The following BRINP3 variants were observed in gnomAD, a reference collection of about 807,000 sequenced individuals.
BRINP3 encodes BMP/retinoic acid inducible neural specific 3.
BRINP3 carries 19 observed loss-of-function variants against 71.0 expected under a neutral mutation model. That is an observed-to-expected ratio of 0.27 (90% CI 0.19 to 0.39). The LOEUF (loss-of-function observed/expected upper bound fraction) is 0.39. Among genes scored for constraint, BRINP3 ranks in the 10% least tolerant of loss-of-function variants. The pLI is 1.00. For synonymous variants in BRINP3, 380 were observed against 337.7 expected (o/e 1.13, Z -1.37); for missense variants, 959 against 940.8 (o/e 1.02, Z -0.25).
At chr1:190,477,292 A>T (rs1403213884) in intron 1 of BRINP3, 156 bp downstream of exon 1, 3 of 152,340 alleles carry the variant, frequency 2.0e-5, no homozygotes, top group East Asian at 3.9e-4. Flanking sequence ...TTAGCAGTGC[A>T]GTTGCCACTA....
intron 7 of BRINP3, among the ~76,000 whole-genome samples, chr1:190,155,153 AT>A (rs1231210017): frequency 6.6e-6 from 1 of 152,134 alleles, no homozygotes; most frequent in African/African-American, 2.4e-5. Context: ...GAAAGAGCAT[AT>A]ATAGGAGTGC....
At chr1:190,295,960 T>G (rs1338289412) in intron 2 of BRINP3, among the ~76,000 whole-genome samples, 2 of 152,102 alleles carry the variant, frequency 1.3e-5, no homozygotes, top group Non-Finnish European at 1.5e-5. Flanking sequence ...AGTTATTCAA[T>G]GTAATGTACC....
intron 6 of BRINP3, among the ~76,000 whole-genome samples, chr1:190,184,080 A>C (rs1160262830): frequency 6.6e-6 from 1 of 152,168 alleles, no homozygotes; most frequent in Non-Finnish European, 1.5e-5. Context: ...TATTTTAAAA[A>C]AGCAACAACA....
intron 7 of BRINP3, among the ~76,000 whole-genome samples, chr1:190,134,735 C>A (rs1411863702): frequency 6.6e-6 from 1 of 152,012 alleles, no homozygotes; most frequent in Non-Finnish European, 1.5e-5. Flanking sequence ...AAAATGATAG[C>A]CTACATTTTA....
At chr1:190,296,684 C>T (rs1251336748) in intron 2 of BRINP3, among the ~76,000 whole-genome samples, 2 of 151,930 alleles carry the variant, frequency 1.3e-5, no homozygotes, top group Non-Finnish European at 2.9e-5. Context: ...CTCCACTAAA[C>T]CAAAAAATAA....
chr1:190,242,796 T>C (rs1046027982), intron 4 of BRINP3, among the ~76,000 whole-genome samples: 3 of 151,930 alleles, frequency 2.0e-5, no homozygotes, highest in African/African-American at 4.8e-5. Flanking sequence ...AATTTAACCA[T>C]AGGAAAAAAA....
chr1:190,150,264 C>T (rs1465705104), intron 7 of BRINP3, among the ~76,000 whole-genome samples: 1 of 131,642 alleles, frequency 7.6e-6, no homozygotes, highest in Non-Finnish European at 1.6e-5. Flanking sequence ...ATGTGCATAT[C>T]TATGTGTGTG....
At chr1:190,214,422 C>T (rs1471969261) in intron 6 of BRINP3, among the ~76,000 whole-genome samples, 1 of 151,952 alleles carries the variant, frequency 6.6e-6, no homozygotes, top group Non-Finnish European at 1.5e-5. Context: ...GAGGTGAATG[C>T]GTCCTGCATC....
rs185825492 is a variant in BRINP3, at chr1:190,194,504, A to G, written c.961+31578T>C. ...ATTAATTCCATTTGAAACTTTCTAT[A>G]TTGAGATCACTGTTTGATTAGGGCA... is the stretch of plus-strand genomic sequence containing the variant. On this transcript the variant is annotated intron_variant, in intron 6 of 7. Transcript: ENST00000367462. Among the ~76,000 whole-genome samples, 127 of 152,254 alleles carry G rather than the reference A, an allele frequency of 8.3e-4. 2 individuals are homozygous for G. Among genetic ancestry groups the G allele is most frequent in the Admixed American group, 8.1e-3 (124 of 15,260 alleles).
At chr1:190,315,990 G>A (rs1354918560) in intron 2 of BRINP3, among the ~76,000 whole-genome samples, 3 of 151,940 alleles carry the variant, frequency 2.0e-5, no homozygotes, top group Admixed American at 1.3e-4. Flanking sequence ...TTCCAAGCAT[G>A]ATACATCAAA....
At chr1:190,408,056 C>G (rs1249065892) in intron 2 of BRINP3, among the ~76,000 whole-genome samples, 2 of 134,746 alleles carry the variant, frequency 1.5e-5, no homozygotes, top group East Asian at 2.1e-4. Flanking sequence ...GAGTCTCGCT[C>G]TGTTGCCCAG....
intron 6 of BRINP3, among the ~76,000 whole-genome samples, chr1:190,204,948 C>T (rs1655363748): frequency 6.6e-6 from 1 of 151,096 alleles, no homozygotes; most frequent in South Asian, 2.1e-4. Flanking sequence ...GAATAAATTT[C>T]CTCTCTATTG....
At chr1:190,412,457 TTTTTTTTTG>T (rs1175723206) in intron 2 of BRINP3, among the ~76,000 whole-genome samples, 43 of 131,070 alleles carry the variant, frequency 3.3e-4, no homozygotes, top group African/African-American at 1.1e-3. Flanking sequence ...TTTTGTTTTG[TTTTTTTTTG>T]TTTTTTTTTT....
chr1:190,469,418 C>G (rs1283804535), intron 1 of BRINP3, among the ~76,000 whole-genome samples: 2 of 150,852 alleles, frequency 1.3e-5, no homozygotes, highest in Non-Finnish European at 1.5e-5. Context: ...TATTAACATG[C>G]TTGGCGTTAT....
At chr1:190,324,528 G>T (rs761355729) in intron 2 of BRINP3, among the ~76,000 whole-genome samples, 1 of 151,742 alleles carries the variant, frequency 6.6e-6, no homozygotes, top group Non-Finnish European at 1.5e-5. Flanking sequence ...TACTGATATG[G>T]TCCTTCATTC....
intron 2 of BRINP3, among the ~76,000 whole-genome samples, chr1:190,307,832 G>T (rs1460915507): frequency 1.3e-5 from 2 of 151,862 alleles, no homozygotes; most frequent in East Asian, 3.9e-4. Flanking sequence ...ATGGTGGATT[G>T]TCCTACCATA....
At chr1:190,194,587 T>C (rs934716717) in intron 6 of BRINP3, among the ~76,000 whole-genome samples, 1 of 152,106 alleles carries the variant, frequency 6.6e-6, no homozygotes, top group Non-Finnish European at 1.5e-5. Flanking sequence ...CGAAAAGCAG[T>C]AGTGAATAAA....
At chr1:190,441,545 A>G (rs1674819611) in intron 2 of BRINP3, among the ~76,000 whole-genome samples, 1 of 151,990 alleles carries the variant, frequency 6.6e-6, no homozygotes, top group Non-Finnish European at 1.5e-5. Context: ...TTGAGGATAT[A>G]TTTTTTATTA....
chr1:190,431,381 C>A (rs183179817), intron 2 of BRINP3, among the ~76,000 whole-genome samples: 1 of 151,922 alleles, frequency 6.6e-6, no homozygotes, highest in East Asian at 1.9e-4. Flanking sequence ...TATTTTTAGA[C>A]GGCGACTCTC....
Sources: allele counts gnomAD v4.1 joint callset (sites outside exome capture counted in the v4.1 genomes callset), GRCh38; gene constraint gnomAD v4.1.1; transcripts MANE v1.5; gene names NCBI Gene and HGNC (gene_info 2026-07-23, HGNC 2026-07-21).